Variants in HUNK observed in about 807,000 individuals in gnomAD.
HUNK encodes hormonally up-regulated Neu-associated kinase.
A neutral mutation model predicts 61.0 loss-of-function variants in HUNK; 21 were observed. That is an observed-to-expected ratio of 0.34 (90% CI 0.24 to 0.50). HUNK has a LOEUF of 0.50. Among genes scored for constraint, HUNK ranks in the 20% least tolerant of loss-of-function variants. The probability of loss-of-function intolerance (pLI) is 0.98; values close to 1 mark genes in which losing one functional copy is unlikely to be tolerated. For synonymous variants in HUNK, 371 were observed against 386.1 expected (o/e 0.96, Z 0.46); for missense variants, 772 against 945.7 (o/e 0.82, Z 2.41).
At chr21:31,917,757 C>CAA (rs2052595538) in intron 1 of HUNK, among the ~76,000 whole-genome samples, 1 of 146,762 alleles carries the variant, frequency 6.8e-6, no homozygotes, top group Non-Finnish European at 1.5e-5. Context: ...CACACACACA[C>CAA]CCCTGGACTG....
At chr21:31,991,584 T>G (rs1316388194) in intron 9 of HUNK, among the ~76,000 whole-genome samples, 1 of 152,194 alleles carries the variant, frequency 6.6e-6, no homozygotes, top group Non-Finnish European at 1.5e-5. Flanking sequence ...TCTTCTTATG[T>G]GATGGGTGAC....
At chr21:31,933,413 G>A (rs1190361694) in intron 2 of HUNK, among the ~76,000 whole-genome samples, 1 of 152,128 alleles carries the variant, frequency 6.6e-6, no homozygotes, top group African/African-American at 2.4e-5. Flanking sequence ...ACTTTGGGAA[G>A]CCAAGGTGGG....
In HUNK at chr21:31,924,325, A is replaced by G. The variant is rs1450910419; in HGVS notation, c.262-143A>G. On this transcript the variant is annotated intron_variant, in intron 1 of 10. Coordinates refer to ENST00000270112, the MANE Select transcript of HUNK (RefSeq NM_014586.2). The surrounding 1 kb of genome is among the most constrained non-coding windows in gnomAD (Gnocchi z 5.1). ...CATAAATATAAATGTGTATATATAT[A>G]TTTTCTGTTGATGCTGTTTTAGGTA... 1.6e-5 allele frequency: 10 copies of G among 627,376 alleles called. No individual in the cohort carries two copies. The African/African-American group carries it at 1.7e-4, about 10-fold the overall frequency. 38.9% of individuals were successfully genotyped at this position (627,376 alleles called of 1,614,324 possible). A position where few individuals can be genotyped will look rare whatever the true frequency, so the allele number is the denominator to read the frequency against.
chr21:31,905,358 A>G (rs2052497895), intron 1 of HUNK, among the ~76,000 whole-genome samples: 1 of 152,210 alleles, frequency 6.6e-6, no homozygotes, highest in Non-Finnish European at 1.5e-5. Flanking sequence ...TCAAAATTGT[A>G]AGACAGTAAG....
intron 2 of HUNK, among the ~76,000 whole-genome samples, chr21:31,927,366 C>T (rs1025013027): frequency 0.056 from 6 of 108 alleles, no homozygotes; most frequent in East Asian, 0.28. Flanking sequence ...ATTTTCAGGC[C>T]GGGCGCAGTG....
intron 3 of HUNK, 66 bp downstream of exon 3, chr21:31,940,286 T>G (rs746826739): frequency 3.3e-4 from 326 of 994,096 alleles, no homozygotes; most frequent in Non-Finnish European, 4.5e-4. Context: ...TTCTCAACTT[T>G]GAAAATTATC....
At chr21:31,947,492 C>T (rs1423691064) in intron 4 of HUNK, among the ~76,000 whole-genome samples, 4 of 152,240 alleles carry the variant, frequency 2.6e-5, no homozygotes, top group African/African-American at 9.6e-5. Context: ...ATTTCGTTCT[C>T]GGCACCTCTC....
chr21:31,905,725 A>G (rs992634514), intron 1 of HUNK, among the ~76,000 whole-genome samples: 4 of 152,214 alleles, frequency 2.6e-5, no homozygotes, highest in Non-Finnish European at 2.9e-5. Context: ...GGACACCATA[A>G]ACGCACATGA....
chr21:31,965,167 G>A (rs1262857676), intron 5 of HUNK, among the ~76,000 whole-genome samples: 1 of 152,066 alleles, frequency 6.6e-6, no homozygotes, highest in Non-Finnish European at 1.5e-5. Context: ...TGGAGCTGGA[G>A]GCCATCATCC....
chr21:31,965,785 A>G (rs990187431), intron 5 of HUNK, among the ~76,000 whole-genome samples: 1 of 151,866 alleles, frequency 6.6e-6, no homozygotes, highest in East Asian at 1.9e-4. Context: ...TATTTTTAGT[A>G]GAGACGGGGT....
chr21:31,939,963 C>T (rs1347474790), intron 2 of HUNK, among the ~76,000 whole-genome samples: 1 of 151,982 alleles, frequency 6.6e-6, no homozygotes, highest in Non-Finnish European at 1.5e-5. Flanking sequence ...GTCTGAAATT[C>T]TTCAGCTTTT....
At chr21:31,904,014 G>A (rs1043427945) in intron 1 of HUNK, among the ~76,000 whole-genome samples, 7 of 152,084 alleles carry the variant, frequency 4.6e-5, no homozygotes, top group African/African-American at 1.4e-4. Context: ...GCTGGTAGCT[G>A]TGAATTTCTC....
At chr21:31,947,785 A>T (rs1315550863) in intron 4 of HUNK, among the ~76,000 whole-genome samples, 1 of 152,178 alleles carries the variant, frequency 6.6e-6, no homozygotes, top group East Asian at 1.9e-4. Context: ...GGATTCTTGG[A>T]TAGGACTCAA....
intron 5 of HUNK, among the ~76,000 whole-genome samples, chr21:31,962,226 G>A (rs540897986): frequency 6.6e-6 from 1 of 152,200 alleles, no homozygotes; most frequent in African/African-American, 2.4e-5. Context: ...TACCATGTGC[G>A]TTGAAAGTGA....
intron 3 of HUNK, among the ~76,000 whole-genome samples, chr21:31,945,403 G>A (rs1043285698): frequency 6.6e-6 from 1 of 152,132 alleles, no homozygotes; most frequent in Non-Finnish European, 1.5e-5. Flanking sequence ...AGTTTGCATT[G>A]CCATCTTTCT....
intron 4 of HUNK, among the ~76,000 whole-genome samples, chr21:31,953,513 C>T (rs9979670): frequency 0.43 from 65,228 of 152,134 alleles, 16,802 homozygotes; most frequent in Non-Finnish European, 0.59. Context: ...GGATTACAGG[C>T]GTGAGCCACT....
chr21:31,883,262 G>C (rs778190708), intron 1 of HUNK, among the ~76,000 whole-genome samples: 1 of 151,926 alleles, frequency 6.6e-6, no homozygotes, highest in Non-Finnish European at 1.5e-5. Context: ...ACACCCATCT[G>C]GTATGGGAGT....
chr21:31,989,981 T>C, intron 8 of HUNK, 148 bp from the exon 9 acceptor site: 1 of 722,606 alleles, frequency 1.4e-6, no homozygotes, highest in Non-Finnish European at 2.5e-6. Flanking sequence ...TGCTGTCTAC[T>C]TCCATGGCAA....
At chr21:31,940,525 A>T (rs191660347) in intron 3 of HUNK, among the ~76,000 whole-genome samples, 54 of 152,348 alleles carry the variant, frequency 3.5e-4, no homozygotes, top group African/African-American at 1.2e-3. Context: ...TGCTTCCCAT[A>T]GCTTCGCCAT....
Sources: allele counts gnomAD v4.1 joint callset (sites outside exome capture counted in the v4.1 genomes callset), GRCh38; gene constraint gnomAD v4.1.1; non-coding constraint Gnocchi (gnomAD v3.1); transcripts MANE v1.5; gene names NCBI Gene and HGNC (gene_info 2026-07-23, HGNC 2026-07-21).